ADAMTS19: variants seen among roughly 807,000 people sequenced by gnomAD.
ADAMTS19 encodes A disintegrin and metalloproteinase with thrombospondin motifs 19.
ADAMTS19 carries 93 observed loss-of-function variants against 153.3 expected under a neutral mutation model. That is an observed-to-expected ratio of 0.61 (90% CI 0.51 to 0.72). The LOEUF is 0.72. Among genes scored for constraint, ADAMTS19 ranks in the 30% least tolerant of loss-of-function variants. The probability of loss-of-function intolerance (pLI) is 0.00; values close to 1 mark genes in which losing one functional copy is unlikely to be tolerated. For synonymous variants in ADAMTS19, 600 were observed against 556.6 expected, an observed-to-expected ratio of 1.08 and a Z score of -1.10; for missense variants, 1,482 against 1,552.1, an observed-to-expected ratio of 0.95 and a Z score of 0.76.
intron 7 of ADAMTS19, among the ~76,000 whole-genome samples, chr5:129,577,442 C>G (rs1561580346): frequency 6.6e-6 from 1 of 151,942 alleles, no homozygotes; most frequent in Non-Finnish European, 1.5e-5. Flanking sequence ...GAAAAAATAG[C>G]CCATACAAAT....
chr5:129,638,123 G>T (rs1397415921), intron 10 of ADAMTS19, among the ~76,000 whole-genome samples: 1 of 151,868 alleles, frequency 6.6e-6, no homozygotes, highest in African/African-American at 2.4e-5. Context: ...TAAAGGAAAA[G>T]TTAAAAAGAA....
intron 8 of ADAMTS19, among the ~76,000 whole-genome samples, chr5:129,613,947 A>T (rs983196669): frequency 1.3e-5 from 2 of 152,166 alleles, no homozygotes; most frequent in Non-Finnish European, 2.9e-5. Context: ...AGAAATGAAT[A>T]AATTCCTGGA....
intron 2 of ADAMTS19, among the ~76,000 whole-genome samples, chr5:129,480,798 CAT>C (rs1350651610): frequency 2.0e-5 from 3 of 152,030 alleles, no homozygotes; most frequent in Non-Finnish European, 4.4e-5. Flanking sequence ...CAAAAATACT[CAT>C]ATATTCCGCA....
chr5:129,476,474 G>C (rs17165203), intron 2 of ADAMTS19, among the ~76,000 whole-genome samples: 1 of 151,956 alleles, frequency 6.6e-6, no homozygotes, highest in African/African-American at 2.4e-5. Context: ...AAACAAATAC[G>C]GACAAATGAA....
chr5:129,567,484 G>A (rs531594529), intron 7 of ADAMTS19, among the ~76,000 whole-genome samples: 1 of 152,180 alleles, frequency 6.6e-6, no homozygotes, highest in Non-Finnish European at 1.5e-5. Context: ...GAATGGAAGG[G>A]TAGAAAGTCT....
chr5:129,507,709 C>CGAGA (rs149286655), intron 2 of ADAMTS19, among the ~76,000 whole-genome samples: 58 of 132,842 alleles, frequency 4.4e-4, no homozygotes, highest in African/African-American at 8.9e-4. Flanking sequence ...AGATCTAGAG[C>CGAGA]GAGAGAGAGA....
At chr5:129,658,309 A>AAGAAAAAGAAAGAAAG (rs1454863600) in intron 14 of ADAMTS19, among the ~76,000 whole-genome samples, 1 of 113,624 alleles carries the variant, frequency 8.8e-6, no homozygotes. Flanking sequence ...GAAAGAAAGA[A>AAGAAAAAGAAAGAAAG]AAAGAAAGAA....
intron 19 of ADAMTS19, among the ~76,000 whole-genome samples, chr5:129,697,179 GTCT>G (rs1302664439): frequency 2.0e-5 from 3 of 152,142 alleles, no homozygotes; most frequent in African/African-American, 7.2e-5. Flanking sequence ...TATTTGGTTA[GTCT>G]TAGGATCTCT....
chr5:129,463,839 G>T (rs1749769664), intron 2 of ADAMTS19, among the ~76,000 whole-genome samples: 1 of 152,146 alleles, frequency 6.6e-6, no homozygotes, highest in Admixed American at 6.5e-5. Context: ...TGTATTATAG[G>T]TCCCTTGTTT....
intron 7 of ADAMTS19, among the ~76,000 whole-genome samples, chr5:129,557,255 G>T (rs1753345815): frequency 6.6e-6 from 1 of 152,056 alleles, no homozygotes; most frequent in African/African-American, 2.4e-5. Context: ...TAGCCAAAAA[G>T]AAGCCTATCT....
At chr5:129,707,430 A>G (rs1402352944) in intron 21 of ADAMTS19, among the ~76,000 whole-genome samples, 1 of 152,182 alleles carries the variant, frequency 6.6e-6, no homozygotes, top group Non-Finnish European at 1.5e-5. Context: ...CTTTTTCATT[A>G]TAACGATCTC....
chr5:129,576,326 G>C (rs963649064), intron 7 of ADAMTS19, among the ~76,000 whole-genome samples: 1 of 151,792 alleles, frequency 6.6e-6, no homozygotes, highest in Non-Finnish European at 1.5e-5. Context: ...TTATATAAAA[G>C]CTTGCCAAAG....
chr5:129,612,854 A>C (rs1174114852), intron 8 of ADAMTS19, among the ~76,000 whole-genome samples: 1 of 152,100 alleles, frequency 6.6e-6, no homozygotes, highest in East Asian at 1.9e-4. Flanking sequence ...TCTACAAAGC[A>C]AAATGGAAAA....
chr5:129,508,820 A>C (rs896577695), intron 2 of ADAMTS19, among the ~76,000 whole-genome samples: 2 of 151,970 alleles, frequency 1.3e-5, no homozygotes, highest in Admixed American at 6.6e-5. Flanking sequence ...TTTACTGTGC[A>C]TCTGTTGCTG....
At chr5:129,545,124 G>A (rs1458293597) in intron 6 of ADAMTS19, among the ~76,000 whole-genome samples, 2 of 151,912 alleles carry the variant, frequency 1.3e-5, no homozygotes, top group Non-Finnish European at 2.9e-5. Context: ...TACTAACAGG[G>A]ATTATAAAAC....
chr5:129,510,646 C>T (rs915024678), intron 3 of ADAMTS19, among the ~76,000 whole-genome samples: 3 of 151,900 alleles, frequency 2.0e-5, no homozygotes, highest in East Asian at 3.9e-4. Context: ...TTGCTTTGTA[C>T]GAGTTATACT....
chr5:129,617,027 T>C (rs1751563632), intron 8 of ADAMTS19, among the ~76,000 whole-genome samples: 1 of 151,996 alleles, frequency 6.6e-6, no homozygotes, highest in South Asian at 2.1e-4. Context: ...AAAATAGAAG[T>C]CATGATAATA....
intron 10 of ADAMTS19, among the ~76,000 whole-genome samples, chr5:129,638,452 TTC>T (rs1752627127): frequency 6.6e-6 from 1 of 152,058 alleles, no homozygotes; most frequent in Non-Finnish European, 1.5e-5. Context: ...TATTTTTGCC[TTC>T]TCTTTTTGCT....
intron 16 of ADAMTS19, 133 bp from the exon 17 acceptor site, chr5:129,679,631 A>G: frequency 1.2e-6 from 1 of 836,226 alleles, no homozygotes; most frequent in Non-Finnish European, 1.8e-6. Flanking sequence ...AGCTGCCTCA[A>G]GTTTTACATC....
Sources: gnomAD v4.1 joint callset for allele counts (sites outside exome capture counted in the v4.1 genomes callset) on GRCh38, gnomAD v4.1.1 for gene constraint, MANE v1.5 for transcripts, NCBI Gene and HGNC (gene_info 2026-07-23, HGNC 2026-07-21) for gene names.